The following IKZF2 variants were observed in gnomAD, a reference collection of about 807,000 sequenced individuals.
IKZF2 encodes IKAROS family zinc finger 2, also known as zinc finger protein Helios.
A neutral mutation model predicts 49.2 loss-of-function variants in IKZF2; 15 were observed. That is an observed-to-expected ratio of 0.30 (90% confidence interval 0.20 to 0.47). The LOEUF is 0.47. Ranked by LOEUF, IKZF2 falls within the 20% of genes least tolerant of loss-of-function variation. IKZF2 has a pLI of 1.00. For synonymous variants in IKZF2, 227 were observed against 221.4 expected (o/e 1.03, Z -0.23); for missense variants, 567 against 664.6 (o/e 0.85, Z 1.61).
chr2:213,149,054 A>G (rs2061179609), intron 2 of IKZF2, among the ~76,000 whole-genome samples: 3 of 152,218 alleles, frequency 2.0e-5, no homozygotes, highest in South Asian at 4.1e-4. Flanking sequence ...CTCTATTCAC[A>G]ATTGTTGCAA....
rs1283482433 is a variant in IKZF2, at chr2:213,022,010, T to A, written c.695A>T (p.Gln232Leu). The A allele has an allele frequency of 6.2e-7, 1 of 1,612,804 alleles. No individual in the cohort carries two copies. The highest frequency in any genetic ancestry group is 8.5e-7 in the Non-Finnish European group (1 of 1,179,454). The change falls in exon 7 of 9, where the codon CAG becomes CTG. Residue 232 changes from glutamine to leucine, a missense_variant. Coordinates refer to ENST00000434687, the MANE Select transcript of IKZF2 (RefSeq NM_001387220.1). ...LQNVSMEAAG[Q>L]VMSHHVPPME... ...CTACCCACCATGGTGACTCATGACCTGCCCAGCAGCCTCCATGCTGACATT... is the reference window on the plus strand; with the variant it reads ...CTACCCACCATGGTGACTCATGACCAGCCCAGCAGCCTCCATGCTGACATT...
At chr2:213,070,300 C>A (rs1559233581) in intron 4 of IKZF2, among the ~76,000 whole-genome samples, 1 of 152,074 alleles carries the variant, frequency 6.6e-6, no homozygotes, top group Non-Finnish European at 1.5e-5. Context: ...TCAAGTTAAG[C>A]TTTAAATGCC....
chr2:213,058,911 C>G (rs1484994094), intron 4 of IKZF2, among the ~76,000 whole-genome samples: 3 of 151,790 alleles, frequency 2.0e-5, no homozygotes, highest in Admixed American at 6.6e-5. Context: ...CAAAAGCAAC[C>G]AGTATCATAA....
intron 1 of IKZF2, chr2:213,150,452 C>CT: frequency 1.2e-5 from 2 of 165,056 alleles, no homozygotes; most frequent in Non-Finnish European, 2.8e-5. Context: ...GAGAAGAACA[C>CT]CCCCCTCCTC....
At chr2:213,031,118 G>A (rs1294897871) in intron 6 of IKZF2, among the ~76,000 whole-genome samples, 7 of 152,196 alleles carry the variant, frequency 4.6e-5, no homozygotes, top group African/African-American at 7.2e-5. Context: ...GTGCCACTGC[G>A]CCAGGCTGTG....
rs1695472727 is a variant in IKZF2, at chr2:213,007,613, G to A, written c.1328C>T (p.Ala443Val). 1 of 1,613,628 alleles carries A rather than the reference G, an allele frequency of 6.2e-7. No homozygotes were observed. Among genetic ancestry groups the A allele is most frequent in the South Asian group, 1.1e-5 (1 of 91,080 alleles). ...SPAYMKEDVK[A>V]LDTTKAPKGS... ...CTTAGGAGCCTTGGTAGTATCCAAAGCTTTGACATCCTCCTTCATGTAAGC... is the reference window on the plus strand; with the variant it reads ...CTTAGGAGCCTTGGTAGTATCCAAAACTTTGACATCCTCCTTCATGTAAGC... The change falls in exon 9 of 9, where the codon GCT becomes GTT. Residue 443 changes from alanine to valine, a missense_variant. By Grantham distance (64) the Ala-to-Val change is moderately conservative (BLOSUM62 0). Around this residue, in one of 5 missense-constraint regions of IKZF2, gnomAD observed 310 missense variants for 326.9 expected, o/e 0.95. Transcript: ENST00000434687.
At chr2:213,132,379 G>GT (rs1453432571) in intron 4 of IKZF2, among the ~76,000 whole-genome samples, 1 of 151,528 alleles carries the variant, frequency 6.6e-6, no homozygotes, top group African/African-American at 2.4e-5. Flanking sequence ...TATGACAATA[G>GT]TAACTCTGAC....
chr2:213,056,975 G>A lies in IKZF2; in HGVS notation c.264C>T (p.Ser88=), dbSNP rs374835918. Residue 88 remains serine (S), a synonymous_variant, in exon 5 of 9, where the codon AGC becomes AGT. Coordinates refer to ENST00000434687, the MANE Select transcript of IKZF2 (RefSeq NM_001387220.1). ...SSLEEPLIES[S]EVADNRKVQE... ...GGACTTTCCTGTTGTCAGCCACCTC[G>A]CTGCTCTCAATTAGGGGTTCTTCTA... 41 of 1,613,612 alleles carry A rather than the reference G, an allele frequency of 2.5e-5. No homozygotes were observed. The highest frequency in any genetic ancestry group is 8.8e-5 in the South Asian group (8 of 91,064).
intron 4 of IKZF2, among the ~76,000 whole-genome samples, chr2:213,071,096 A>G (rs758149446): frequency 2.0e-5 from 3 of 152,154 alleles, no homozygotes; most frequent in Non-Finnish European, 4.4e-5. Flanking sequence ...AATGTTGAAT[A>G]ATACTGTGTG....
chr2:213,065,823 G>C (rs1361952327), intron 4 of IKZF2, among the ~76,000 whole-genome samples: 2 of 151,858 alleles, frequency 1.3e-5, no homozygotes, highest in Non-Finnish European at 2.9e-5. Flanking sequence ...GCTAGTAATA[G>C]TAAAGAAAAA....
intron 6 of IKZF2, among the ~76,000 whole-genome samples, chr2:213,040,289 A>C (rs531931322): frequency 1.7e-4 from 26 of 151,160 alleles, no homozygotes; most frequent in African/African-American, 6.1e-4. Flanking sequence ...CCAGGTATTA[A>C]GGCTAGCACC....
upstream of IKZF2, among the ~76,000 whole-genome samples, chr2:213,151,862 C>T (rs1274535519): frequency 6.7e-6 from 1 of 150,182 alleles, no homozygotes; most frequent in Non-Finnish European, 1.5e-5. Context: ...CGTGTGCGCG[C>T]GCGCGCGGGC....
intron 5 of IKZF2, among the ~76,000 whole-genome samples, chr2:213,055,598 A>G (rs900305932): frequency 6.6e-6 from 1 of 152,050 alleles, no homozygotes; most frequent in African/African-American, 2.4e-5. Flanking sequence ...GCCTTAGTTT[A>G]CAGTCATACC....
chr2:213,124,229 CACACAT>C (rs1399713253), intron 4 of IKZF2, among the ~76,000 whole-genome samples: 16 of 139,178 alleles, frequency 1.1e-4, no homozygotes, highest in African/African-American at 3.7e-4. Context: ...TGTGTGCACG[CACACAT>C]GCGCTCGCGC....
intron 4 of IKZF2, among the ~76,000 whole-genome samples, chr2:213,092,356 A>G (rs1208375441): frequency 6.6e-6 from 1 of 152,158 alleles, no homozygotes; most frequent in Non-Finnish European, 1.5e-5. Flanking sequence ...AACTGTAACC[A>G]TAATAACCTC....
In IKZF2 at chr2:213,008,028, A is replaced by G. The variant is rs2125008291; in HGVS notation, c.913T>C (p.Tyr305His). The G allele has an allele frequency of 1.2e-6, 2 of 1,612,846 alleles. No homozygotes were observed. The highest frequency in any genetic ancestry group is 2.2e-5 in the South Asian group (2 of 91,032). The change falls in exon 9 of 9, where the codon TAT becomes CAT. Residue 305 changes from tyrosine (Y) to histidine (H), a missense_variant. By Grantham distance (83) the Tyr-to-His change is moderately conservative. Transcript: ENST00000434687. ...TGCATCAGCTCAGCCTCCTTCTCAT[A>G]TGTTAAGTTCATATCAAAGTGAATA... ...PDIHFDMNLT[Y>H]EKEAELMQSH...
At chr2:213,125,731 A>T (rs1411245532) in intron 4 of IKZF2, among the ~76,000 whole-genome samples, 1 of 152,198 alleles carries the variant, frequency 6.6e-6, no homozygotes, top group Non-Finnish European at 1.5e-5. Flanking sequence ...GAAACAACCT[A>T]AATGTCCAAC....
intron 4 of IKZF2, among the ~76,000 whole-genome samples, chr2:213,109,297 TAAATC>T (rs141335733): frequency 0.014 from 2,134 of 152,138 alleles, 59 homozygotes; most frequent in African/African-American, 0.049. Context: ...TTTACTCAAA[TAAATC>T]AAATCTTACA....
chr2:213,040,062 T>C (rs1458217558), intron 6 of IKZF2, among the ~76,000 whole-genome samples: 1 of 152,132 alleles, frequency 6.6e-6, no homozygotes, highest in Non-Finnish European at 1.5e-5. Flanking sequence ...TGATTCCGTT[T>C]TTGAGCAATA....
Sources: gnomAD v4.1 joint callset for allele counts (sites outside exome capture counted in the v4.1 genomes callset) on GRCh38, gnomAD v4.1.1 for gene constraint, gnomAD v4.1.1 regional missense constraint, MANE v1.5 for transcripts, NCBI Gene and HGNC (gene_info 2026-07-23, HGNC 2026-07-21) for gene names.